The following ALG8 variants were observed in gnomAD, a reference collection of about 807,000 sequenced individuals.
ALG8 encodes ALG8 alpha-1,3-glucosyltransferase, also known as dolichyl pyrophosphate Glc1Man9GlcNAc2 alpha-1,3-glucosyltransferase.
In ALG8, 48 loss-of-function variants were observed where a neutral mutation model predicts 70.2. That is an observed-to-expected ratio of 0.68 (90% confidence interval 0.54 to 0.87). The LOEUF is 0.87. ALG8 is among the 40% of genes least tolerant of loss of function. The probability of loss-of-function intolerance (pLI) is 0.00; values close to 1 mark genes in which losing one functional copy is unlikely to be tolerated. For synonymous variants in ALG8, 234 were observed against 229.0 expected, an observed-to-expected ratio of 1.02 and a Z score of -0.20; for missense variants, 572 against 608.7, an observed-to-expected ratio of 0.94 and a Z score of 0.64.
intron 10 of ALG8, 73 bp from the exon 11 acceptor site, chr11:78,104,526 C>T (rs1859934771): frequency 2.2e-6 from 3 of 1,347,610 alleles, no homozygotes; most frequent in South Asian, 1.3e-5. Flanking sequence ...AACTGCATCT[C>T]CTATTACATT....
chr11:78,131,086 T>C (rs933374696), intron 1 of ALG8, among the ~76,000 whole-genome samples: 2 of 151,562 alleles, frequency 1.3e-5, no homozygotes, highest in South Asian at 4.2e-4. Context: ...TTGTACTATA[T>C]AGACTTTTTC....
At chr11:78,113,781 A>C in intron 7 of ALG8, 105 bp downstream of exon 7, 1 of 970,182 alleles carries the variant, frequency 1.0e-6, no homozygotes, top group South Asian at 1.6e-5. Flanking sequence ...AAGGAGTAAG[A>C]AAAAAGTAGC....
At chr11:78,112,903 T>TA in intron 7 of ALG8, 133 bp from the exon 8 acceptor site, 1 of 1,052,416 alleles carries the variant, frequency 9.5e-7, no homozygotes, top group Non-Finnish European at 1.4e-6. Flanking sequence ...TAAGTGGTTA[T>TA]ATGCTCACCA....
intron 5 of ALG8, among the ~76,000 whole-genome samples, chr11:78,116,927 T>G (rs1395117809): frequency 2.0e-5 from 3 of 152,170 alleles, no homozygotes; most frequent in Non-Finnish European, 4.4e-5. Context: ...CTCTTCAATT[T>G]TATAACTTAT....
chr11:78,133,888 G>A (rs550215434), intron 1 of ALG8, among the ~76,000 whole-genome samples: 2 of 147,498 alleles, frequency 1.4e-5, no homozygotes, highest in African/African-American at 2.6e-5. Context: ...GCGACAGAGC[G>A]AGACTCCGTC....
rs143816157 is a variant in ALG8, at chr11:78,134,326, C to T, written c.95+5168G>A. On this transcript the variant is annotated intron_variant, in intron 1 of 12. Transcript: ENST00000299626. Reference sequence around the variant, plus strand: ...CTAATTTTTGTATATTTAGTAGAGACGGGGTTTCCCCATGTTGGCCAGGCG... The same window carrying T: ...CTAATTTTTGTATATTTAGTAGAGATGGGGTTTCCCCATGTTGGCCAGGCG... Among the ~76,000 whole-genome samples, 293 of 152,200 alleles carry T rather than the reference C, an allele frequency of 1.9e-3. 2 individuals carry two copies. The highest frequency in any genetic ancestry group is 6.8e-3 in the African/African-American group (281 of 41,528).
intron 1 of ALG8, 186 bp downstream of exon 1, chr11:78,139,308 T>C: frequency 1.5e-6 from 1 of 648,108 alleles, no homozygotes; most frequent in South Asian, 1.8e-5. Flanking sequence ...GCGCCAGGTC[T>C]GAACCTAGCC....
At position 78,104,433 on chromosome 11, in the gene ALG8, G is replaced by T; in HGVS notation, c.1199C>A (p.Ala400Glu). 6.3e-7 allele frequency: 1 copy of T among 1,592,062 alleles called. No individual in the cohort carries two copies. Among genetic ancestry groups the T allele is most frequent in the East Asian group, 2.3e-5 (1 of 44,388 alleles). Residue 400 changes from alanine (A) to glutamate (E), a missense_variant, in exon 11 of 13, where the codon GCA becomes GAA. Physicochemically the swap from Ala to Glu is moderately radical, Grantham distance 107. Coordinates refer to ENST00000299626, the MANE Select transcript of ALG8 (RefSeq NM_024079.5). ...AATCAGAAAAATCGAAGCGTCTCCT[G>T]CTTTTCCCACAGACAAAAGGCTAAA... ...LPMSLLSVGKAGDASIFLILT... is the reference protein window; with the variant it reads ...LPMSLLSVGKEGDASIFLILT...
At chr11:78,125,308 A>T (rs938514649) in intron 2 of ALG8, among the ~76,000 whole-genome samples, 1 of 151,728 alleles carries the variant, frequency 6.6e-6, no homozygotes, top group African/African-American at 2.4e-5. Flanking sequence ...CTGGGATTAC[A>T]GGCGTGAGCC....
intron 4 of ALG8, 95 bp from the exon 5 acceptor site, chr11:78,119,344 C>A: frequency 2.3e-6 from 2 of 876,098 alleles, no homozygotes; most frequent in Non-Finnish European, 3.8e-6. Context: ...GCTTTAATAG[C>A]AAAATTAAAG....
At chr11:78,136,039 G>T (rs971697492) in intron 1 of ALG8, among the ~76,000 whole-genome samples, 14 of 151,972 alleles carry the variant, frequency 9.2e-5, no homozygotes, top group African/African-American at 2.9e-4. Context: ...GTGTAGTGGT[G>T]TGCACCTGTA....
chr11:78,101,944 C>T (rs575854000), intron 12 of ALG8, among the ~76,000 whole-genome samples: 68 of 152,282 alleles, frequency 4.5e-4, no homozygotes, highest in African/African-American at 1.5e-3. Context: ...TGGGTTCAAG[C>T]GATTCTCTTG....
rs551226582 is a variant in ALG8, at chr11:78,117,754, G to A, written c.546+1428C>T. Among the ~76,000 whole-genome samples the A allele has an allele frequency of 2.6e-5, 4 of 151,794 alleles. No individual in the cohort carries two copies. In the East Asian group the frequency reaches 7.8e-4, roughly 29 times the overall value. Reference sequence around the variant, plus strand: ...GATTGCGCCAGTGCACTCCAGCCTGGGTGACAGAGCAAGACTCCAACTCTT... The same window carrying A: ...GATTGCGCCAGTGCACTCCAGCCTGAGTGACAGAGCAAGACTCCAACTCTT... On this transcript the variant is annotated intron_variant, in intron 5 of 12. Coordinates refer to ENST00000299626, the MANE Select transcript of ALG8 (RefSeq NM_024079.5).
chr11:78,112,708 A>G lies in ALG8; in HGVS notation c.840T>C (p.Tyr280=), dbSNP rs199533886. 18 of 1,613,990 alleles carry G rather than the reference A, an allele frequency of 1.1e-5. No homozygotes were observed. Among genetic ancestry groups the G allele is most frequent in the African/African-American group, 1.3e-5 (1 of 74,940 alleles). Residue 280 remains tyrosine, a synonymous_variant, in exon 8 of 13, where the codon TAT becomes TAC. Coordinates refer to ENST00000299626, the MANE Select transcript of ALG8 (RefSeq NM_024079.5). Reference sequence around the variant, plus strand: ...ACAAAGCCCAGAAGTTTGGAGCCCAATATGCATGACAGAGGCCCCTCTTGA... The same window carrying G: ...ACAAAGCCCAGAAGTTTGGAGCCCAGTATGCATGACAGAGGCCCCTCTTGA... ...FPFKRGLCHA[Y]WAPNFWALYN... is the part of the protein sequence containing the mutation.
At position 78,139,483 on chromosome 11, in the gene ALG8, G is replaced by T; in HGVS notation, c.95+11C>A. On this transcript the variant is annotated intron_variant, in intron 1 of 12. Coordinates refer to ENST00000299626, the MANE Select transcript of ALG8 (RefSeq NM_024079.5). The stretch of plus-strand genomic sequence containing the variant: ...CTCCCCGCCCAGCCCCTGGCCGTGC[G>T]AGTCCCTTACTATGTGGGGATGAGA... 6.4e-7 allele frequency: 1 copy of T among 1,554,380 alleles called. No homozygotes were observed. The highest frequency in any genetic ancestry group is 8.7e-7 in the Non-Finnish European group (1 of 1,148,406).
chr11:78,106,822 G>A lies in ALG8; in HGVS notation c.1163C>T (p.Ala388Val). Reference protein sequence around the residue: ...WHVHEKAILLAILPMSLLSVG... With the variant: ...WHVHEKAILLVILPMSLLSVG... ...ATCTGCTTACCTCATTGGGAGAATT[G>A]CTAGAAGTATGGCTTTTTCATGAAC... The change falls in exon 10 of 13, where the codon GCA becomes GTA. Residue 388 changes from alanine (A) to valine (V), a missense_variant. By Grantham distance (64) the Ala-to-Val change is moderately conservative. Coordinates refer to ENST00000299626, the MANE Select transcript of ALG8 (RefSeq NM_024079.5). 9 of 1,614,068 alleles carry A rather than the reference G, an allele frequency of 5.6e-6. No homozygotes were observed. The highest frequency in any genetic ancestry group is 1.1e-5 in the South Asian group (1 of 91,084).
In ALG8 at chr11:78,113,915, C is replaced by T. The variant is rs868543245; in HGVS notation, c.748G>A (p.Ala250Thr). The change falls in exon 7 of 13, where the codon GCT (alanine) becomes ACT (threonine). Residue 250 changes from alanine (A) to threonine (T), a missense_variant. Physicochemically the swap from Ala to Thr is moderately conservative, Grantham distance 58. Coordinates refer to ENST00000299626, the MANE Select transcript of ALG8 (RefSeq NM_024079.5). ...GCCAGGAAAGGACCCAATGAAAGAG[C>T]AGAAACTAAGAAAACAACCAGTCCC... ...SLGLVVFLVS[A>T]LSLGPFLALN... 6.4e-7 allele frequency: 1 copy of T among 1,569,300 alleles called. No homozygotes were observed. The highest frequency in any genetic ancestry group is 1.8e-5 in the Admixed American group (1 of 56,168).
At chr11:78,130,200 T>C (rs1356349647) in intron 1 of ALG8, among the ~76,000 whole-genome samples, 1 of 151,678 alleles carries the variant, frequency 6.6e-6, no homozygotes, top group East Asian at 1.9e-4. Flanking sequence ...AATTTAAAAA[T>C]TAGCCAGGCA....
At chr11:78,112,822 T>C (rs1860363479) in intron 7 of ALG8, 52 bp from the exon 8 acceptor site, 3 of 1,599,070 alleles carry the variant, frequency 1.9e-6, no homozygotes, top group Non-Finnish European at 2.6e-6. Flanking sequence ...CTTTTTCAAA[T>C]TCAAAAAGAG....
Sources: gnomAD v4.1 joint callset for allele counts (sites outside exome capture counted in the v4.1 genomes callset) on GRCh38, gnomAD v4.1.1 for gene constraint, MANE v1.5 for transcripts, NCBI Gene and HGNC (gene_info 2026-07-23, HGNC 2026-07-21) for gene names.